Variants in KIF13A observed in about 807,000 individuals in gnomAD.
KIF13A encodes kinesin family member 13A, also known as kinesin-like protein KIF13A.
A neutral mutation model predicts 212.2 loss-of-function variants in KIF13A; 79 were observed. The ratio of observed to expected loss-of-function variants is 0.37; its 90% CI spans 0.31 to 0.45. The LOEUF (loss-of-function observed/expected upper bound fraction) is 0.45. KIF13A is among the 20% of genes least tolerant of loss of function. The pLI, the probability that KIF13A is intolerant of heterozygous loss-of-function variation, is 1.00. For missense variants in KIF13A, 1,901 were observed against 2,209.0 expected (o/e 0.86, Z 2.79); for synonymous variants, 789 against 808.6 (o/e 0.98, Z 0.41).
rs1014146 is a variant in KIF13A at position 17,912,846 on chromosome 6, G to T, written c.147-14666C>A. Among the ~76,000 whole-genome samples the T allele has an allele frequency of 0.61, 93,432 of 151,990 alleles. 29,432 individuals carry two copies. Among genetic ancestry groups the T allele is most frequent in the Non-Finnish European group, 0.69 (47,132 of 67,974 alleles). On this transcript the variant is annotated intron_variant, in intron 2 of 38. Transcript: ENST00000259711. This position sits in a 1 kb window ranked among gnomAD's most constrained non-coding sequence, Gnocchi z 4.2. ...AACAGAGAAACTCCAAACAGACACT[G>T]ATGGTAAAAGGAGAATTTGTTGAGA...
intron 9 of KIF13A, among the ~76,000 whole-genome samples, chr6:17,844,524 G>A (rs1213078545): frequency 6.6e-6 from 1 of 152,172 alleles, no homozygotes; most frequent in South Asian, 2.1e-4. Context: ...TTTTAGCACT[G>A]TGAATCTCCA....
chr6:17,933,065 G>C (rs199781872), intron 2 of KIF13A, among the ~76,000 whole-genome samples: 1 of 152,092 alleles, frequency 6.6e-6, no homozygotes, highest in East Asian at 1.9e-4. Context: ...TAAAAGAAGA[G>C]AAAGGCTCTG....
chr6:17,781,431 C>G, intron 29 of KIF13A, 130 bp from the exon 30 acceptor site: 1 of 924,892 alleles, frequency 1.1e-6, no homozygotes, highest in African/African-American at 1.7e-5. Context: ...TCTTTCATTC[C>G]TTATTCTGCA....
At chr6:17,975,084 C>T (rs922866670) in intron 2 of KIF13A, among the ~76,000 whole-genome samples, 1 of 152,196 alleles carries the variant, frequency 6.6e-6, no homozygotes, top group Non-Finnish European at 1.5e-5. Flanking sequence ...TGGTTCACAC[C>T]TGTAATCCCA....
At chr6:17,851,063 T>C (rs994858026) in intron 7 of KIF13A, among the ~76,000 whole-genome samples, 1 of 152,238 alleles carries the variant, frequency 6.6e-6, no homozygotes, top group African/African-American at 2.4e-5. Context: ...TGGCTCCTAC[T>C]AGTAAGTGAC....
chr6:17,851,505 G>C (rs767571805), intron 7 of KIF13A, among the ~76,000 whole-genome samples: 2 of 152,174 alleles, frequency 1.3e-5, no homozygotes, highest in Non-Finnish European at 2.9e-5. Flanking sequence ...AAGTCAAAGA[G>C]TAAATAAAGT....
chr6:17,801,038 G>GT (rs1405529046), intron 20 of KIF13A, among the ~76,000 whole-genome samples: 2 of 151,884 alleles, frequency 1.3e-5, no homozygotes, highest in Non-Finnish European at 2.9e-5. Flanking sequence ...GGCTATCCAT[G>GT]TTTTTTAAAA....
At chr6:17,896,878 C>T (rs1772615505) in intron 3 of KIF13A, among the ~76,000 whole-genome samples, 1 of 152,182 alleles carries the variant, frequency 6.6e-6, no homozygotes, top group African/African-American at 2.4e-5. Flanking sequence ...AAGACTGACT[C>T]TTCTGAAACT....
In KIF13A at chr6:17,826,405, G is replaced by A. The variant is rs1644025006; in HGVS notation, c.1533-281C>T. On this transcript the variant is annotated intron_variant, in intron 14 of 38. Transcript: ENST00000259711. This position sits in a 1 kb window ranked among gnomAD's most constrained non-coding sequence, Gnocchi z 4.7. Reference sequence around the variant, plus strand: ...GGCTATTCTTGTCAAAATTTGAGCTGAACCTGATCAAGCTTCCACATTTAA... The same window carrying A: ...GGCTATTCTTGTCAAAATTTGAGCTAAACCTGATCAAGCTTCCACATTTAA... Among the ~76,000 whole-genome samples, 1 of 152,172 alleles carries A rather than the reference G, an allele frequency of 6.6e-6. No homozygotes were observed. Among genetic ancestry groups the A allele is most frequent in the Non-Finnish European group, 1.5e-5 (1 of 68,040 alleles).
chr6:17,831,292 T>C (rs1319077902), intron 12 of KIF13A, 57 bp from the exon 13 acceptor site: 2 of 1,573,694 alleles, frequency 1.3e-6, no homozygotes, highest in African/African-American at 2.7e-5. Context: ...ATTCACAAGA[T>C]GTATCCACGG....
rs899388754 is a variant in KIF13A, at chr6:17,843,587, C to A, written c.830+5790G>T. Among the ~76,000 whole-genome samples the A allele has an allele frequency of 3.9e-5, 6 of 152,278 alleles. No individual in the cohort carries two copies. The highest frequency in any genetic ancestry group is 6.5e-5 in the Admixed American group (1 of 15,294). On this transcript the variant is annotated intron_variant, in intron 9 of 38. Coordinates refer to ENST00000259711, the MANE Select transcript of KIF13A (RefSeq NM_022113.6). The surrounding 1 kb of genome is among the most constrained non-coding windows in gnomAD (Gnocchi z 5.3). ...TGGAATGATAGAGCTATCCTGAGAT[C>A]ATGAAGATGACATGAACACACATTA...
At position 17,804,346 on chromosome 6, in the gene KIF13A, C is replaced by T. The variant is rs1762746886; in HGVS notation, c.2454+15G>A. ...CTTGAACCACCATCGTTCTCCAAGG[C>T]TGGCCTGTGCTTACCTCCCCCTGCT... On this transcript the variant is annotated intron_variant, in intron 20 of 38. Coordinates refer to ENST00000259711, the MANE Select transcript of KIF13A (RefSeq NM_022113.6). The T allele has an allele frequency of 6.6e-7, 1 of 1,506,312 alleles. No individual in the cohort carries two copies. The highest frequency in any genetic ancestry group is 2.5e-5 in the East Asian group (1 of 39,908). The allele number at this position is 1,506,312 out of a possible 1,614,324, so 93.3% of individuals were successfully genotyped here.
At chr6:17,841,918 C>G (rs1435019334) in intron 9 of KIF13A, among the ~76,000 whole-genome samples, 1 of 151,194 alleles carries the variant, frequency 6.6e-6, no homozygotes, top group Non-Finnish European at 1.5e-5. Context: ...GAATCACAGG[C>G]TTATATGTCT....
chr6:17,978,886 G>A (rs1374984171), intron 2 of KIF13A, among the ~76,000 whole-genome samples: 3 of 152,122 alleles, frequency 2.0e-5, no homozygotes, highest in Non-Finnish European at 4.4e-5. Context: ...AGCTATTTTG[G>A]TACTATTCTG....
At chr6:17,859,620 T>TTATATATATATATATATATATATATA (rs1355192834) in intron 4 of KIF13A, among the ~76,000 whole-genome samples, 2 of 131,556 alleles carry the variant, frequency 1.5e-5, no homozygotes, top group East Asian at 2.0e-4. Context: ...GCAATGTATT[T>TTATATATATATATATATATATATATA]TATATATATA....
chr6:17,957,695 C>A (rs1288162469), intron 2 of KIF13A, among the ~76,000 whole-genome samples: 1 of 152,120 alleles, frequency 6.6e-6, no homozygotes, highest in Admixed American at 6.6e-5. Flanking sequence ...TCAGAGGACA[C>A]CCAGCTGGTG....
chr6:17,938,303 G>C (rs1776655270), intron 2 of KIF13A, among the ~76,000 whole-genome samples: 1 of 152,052 alleles, frequency 6.6e-6, no homozygotes, highest in Admixed American at 6.6e-5. Flanking sequence ...AGACAACAAA[G>C]ACCTACCAAA....
In KIF13A at chr6:17,906,885, C is replaced by T. The variant is rs188313868; in HGVS notation, c.147-8705G>A. Among the ~76,000 whole-genome samples, 279 of 152,154 alleles carry T rather than the reference C, an allele frequency of 1.8e-3. 1 individual carries two copies. The highest frequency in any genetic ancestry group is 0.01 in the Middle Eastern group (3 of 292). On this transcript the variant is annotated intron_variant, in intron 2 of 38. Coordinates refer to ENST00000259711, the MANE Select transcript of KIF13A (RefSeq NM_022113.6). The stretch of plus-strand genomic sequence containing the variant: ...AGGAGGATGACAGACTGGGAGAAAA[C>T]GGCAGAGGTAAGACACTCATGGTCT...
chr6:17,889,625 T>C (rs1215607117), intron 3 of KIF13A, among the ~76,000 whole-genome samples: 3 of 152,166 alleles, frequency 2.0e-5, no homozygotes, highest in African/African-American at 7.2e-5. Context: ...GAAAAACTCA[T>C]TTACAATCAT....
Sources: allele counts gnomAD v4.1 joint callset (sites outside exome capture counted in the v4.1 genomes callset), GRCh38; gene constraint gnomAD v4.1.1; non-coding constraint Gnocchi (gnomAD v3.1); transcripts MANE v1.5; gene names NCBI Gene and HGNC (gene_info 2026-07-23, HGNC 2026-07-21).